Variants in NTN4 observed in about 807,000 individuals in gnomAD.
NTN4 encodes the protein netrin 4.
A neutral mutation model predicts 73.6 loss-of-function variants in NTN4; 32 were observed. The observed-to-expected ratio is 0.44, with a 90% CI of 0.33 to 0.58. The LOEUF is 0.58. Ranked by LOEUF, NTN4 falls within the 20% of genes least tolerant of loss-of-function variation. The pLI, the probability that NTN4 is intolerant of heterozygous loss-of-function variation, is 0.04. For missense variants in NTN4, 654 were observed against 798.3 expected, an observed-to-expected ratio of 0.82 and a Z score of 2.18; for synonymous variants, 258 against 287.5, an observed-to-expected ratio of 0.90 and a Z score of 1.04.
intron 2 of NTN4, among the ~76,000 whole-genome samples, chr12:95,760,230 T>A (rs1193949420): frequency 1.3e-5 from 2 of 152,182 alleles, no homozygotes; most frequent in African/African-American, 4.8e-5. Context: ...CTCTACCAGA[T>A]GCCTGTGAAT....
chr12:95,777,222 G>C (rs187477458), intron 2 of NTN4, among the ~76,000 whole-genome samples: 3 of 152,272 alleles, frequency 2.0e-5, no homozygotes, highest in African/African-American at 7.2e-5. Context: ...AAATTGTAAA[G>C]ACCATCAATG....
intron 3 of NTN4, among the ~76,000 whole-genome samples, chr12:95,725,796 AT>A (rs1169440119): frequency 3.3e-5 from 5 of 152,216 alleles, no homozygotes; most frequent in Non-Finnish European, 7.4e-5. Context: ...GAGTATGCAC[AT>A]ATGAAAAATG....
chr12:95,752,481 C>A (rs28884799), intron 2 of NTN4, among the ~76,000 whole-genome samples: 94,660 of 145,888 alleles, frequency 0.65, 33,082 homozygotes, highest in Non-Finnish European at 0.81. Context: ...TTGGACTGAC[C>A]CTGACACCCA....
intron 3 of NTN4, among the ~76,000 whole-genome samples, chr12:95,726,750 G>A (rs1052594023): frequency 8.5e-5 from 13 of 152,116 alleles, no homozygotes; most frequent in African/African-American, 3.1e-4. Context: ...ATCACCTGAG[G>A]TCAGGAGTTC....
intron 5 of NTN4, among the ~76,000 whole-genome samples, chr12:95,703,286 T>A (rs1311626767): frequency 1.3e-5 from 2 of 152,244 alleles, no homozygotes; most frequent in East Asian, 3.8e-4. Context: ...TGTTTATGAT[T>A]ATTTCACTGA....
chr12:95,786,892 C>T (rs778459590), intron 2 of NTN4, 47 bp downstream of exon 2: 3 of 1,513,668 alleles, frequency 2.0e-6, no homozygotes, highest in East Asian at 2.3e-5. Context: ...GGGCTGGTAA[C>T]ATTTTTCTAT....
intron 3 of NTN4, among the ~76,000 whole-genome samples, chr12:95,728,892 A>T (rs954277328): frequency 6.6e-6 from 1 of 152,018 alleles, no homozygotes; most frequent in African/African-American, 2.4e-5. Context: ...TTCTCAAGTG[A>T]TCTGGTTGTT....
chr12:95,745,420 A>G (rs2078855070), intron 2 of NTN4, among the ~76,000 whole-genome samples: 1 of 152,006 alleles, frequency 6.6e-6, no homozygotes, highest in Admixed American at 6.6e-5. Context: ...CTTTTCTTCT[A>G]CAATGTCTAG....
chr12:95,702,712 ATCT>A (rs1476344427), intron 5 of NTN4, among the ~76,000 whole-genome samples: 2 of 152,176 alleles, frequency 1.3e-5, no homozygotes, highest in Non-Finnish European at 2.9e-5. Flanking sequence ...CTTAGGGAAG[ATCT>A]TCTGATTTTC....
chr12:95,672,599 G>A (rs1421602131), intron 7 of NTN4: 36 of 1,527,366 alleles, frequency 2.4e-5, no homozygotes, highest in East Asian at 4.5e-5. Context: ...GACCGATCTC[G>A]GTAAAGCAGA....
intron 2 of NTN4, among the ~76,000 whole-genome samples, chr12:95,783,065 A>G (rs2079144125): frequency 6.6e-6 from 1 of 152,176 alleles, no homozygotes. Flanking sequence ...CAAGGTTATT[A>G]TTATTGACTG....
At chr12:95,726,722 G>A (rs911989240) in intron 3 of NTN4, among the ~76,000 whole-genome samples, 1 of 152,140 alleles carries the variant, frequency 6.6e-6, no homozygotes, top group Admixed American at 6.6e-5. Flanking sequence ...CAGCACTTTG[G>A]GAGGCCAAGA....
intron 3 of NTN4, among the ~76,000 whole-genome samples, chr12:95,730,778 T>G (rs915540822): frequency 1.3e-5 from 2 of 152,184 alleles, no homozygotes; most frequent in Admixed American, 6.5e-5. Context: ...AAATAAGGAT[T>G]GAGGATAGGC....
intron 1 of NTN4, 40 bp from the exon 2 acceptor site, chr12:95,787,508 T>C: frequency 6.3e-7 from 1 of 1,584,788 alleles, no homozygotes; most frequent in South Asian, 1.2e-5. Flanking sequence ...GACAAACCCA[T>C]CTGGAAAGCT....
At chr12:95,664,646 TCTGTCACC>T (rs2078165635) in intron 9 of NTN4, among the ~76,000 whole-genome samples, 1 of 151,908 alleles carries the variant, frequency 6.6e-6, no homozygotes, top group South Asian at 2.1e-4. Context: ...GGAGTCTTGC[TCTGTCACC>T]CAGGCTGGAG....
intron 2 of NTN4, among the ~76,000 whole-genome samples, chr12:95,758,744 T>C (rs2078964320): frequency 6.6e-6 from 1 of 152,120 alleles, no homozygotes; most frequent in African/African-American, 2.4e-5. Context: ...TTTTAATTTT[T>C]TGTAGAGATG....
At chr12:95,747,950 T>C (rs1452493035) in intron 2 of NTN4, among the ~76,000 whole-genome samples, 8 of 152,028 alleles carry the variant, frequency 5.3e-5, no homozygotes, top group Non-Finnish European at 7.4e-5. Flanking sequence ...ATATTTAATA[T>C]GCCAGGCATG....
chr12:95,747,158 TA>T (rs2078868592), intron 2 of NTN4, among the ~76,000 whole-genome samples: 1 of 149,942 alleles, frequency 6.7e-6, no homozygotes, highest in East Asian at 1.9e-4. Context: ...GAAAAATCAA[TA>T]AAATATGTTC....
At chr12:95,659,267 TG>T in intron 9 of NTN4, 45 bp from the exon 10 acceptor site, 2 of 1,478,668 alleles carry the variant, frequency 1.4e-6, no homozygotes, top group Non-Finnish European at 1.8e-6. Flanking sequence ...CATACTTTGT[TG>T]AAGGGAGAGA....
Sources: allele counts gnomAD v4.1 joint callset (sites outside exome capture counted in the v4.1 genomes callset), GRCh38; gene constraint gnomAD v4.1.1; transcripts MANE v1.5; gene names NCBI Gene and HGNC (gene_info 2026-07-23, HGNC 2026-07-21).